The following MYO10 variants were observed in gnomAD, a reference collection of about 807,000 sequenced individuals.
MYO10 encodes the protein myosin X, also known as unconventional myosin-X.
A neutral mutation model predicts 257.3 loss-of-function variants in MYO10; 133 were observed. The observed-to-expected ratio is 0.52, with a 90% CI of 0.45 to 0.60. The LOEUF is 0.60. Ranked by LOEUF, MYO10 falls within the 20% of genes least tolerant of loss-of-function variation. The pLI, the probability that MYO10 is intolerant of heterozygous loss-of-function variation, is 0.00. For synonymous variants in MYO10, 1,104 were observed against 1,028.6 expected (o/e 1.07, Z -1.40); for missense variants, 2,399 against 2,635.7 (o/e 0.91, Z 1.97).
At chr5:16,758,453 A>G (rs2126646714) in intron 17 of MYO10, among the ~76,000 whole-genome samples, 1 of 152,348 alleles carries the variant, frequency 6.6e-6, no homozygotes, top group African/African-American at 2.4e-5. Flanking sequence ...AGAGAAGGGG[A>G]CTGGCATGAC....
At chr5:16,858,328 A>G (rs1744017716) in intron 2 of MYO10, among the ~76,000 whole-genome samples, 1 of 152,136 alleles carries the variant, frequency 6.6e-6, no homozygotes, top group Non-Finnish European at 1.5e-5. Context: ...GCCCCTGTTC[A>G]GTCGCACACT....
intron 1 of MYO10, among the ~76,000 whole-genome samples, chr5:16,882,887 T>C (rs1744793786): frequency 6.6e-6 from 1 of 152,026 alleles, no homozygotes; most frequent in African/African-American, 2.4e-5. Flanking sequence ...TCTATGGAAT[T>C]ATAACTCAAT....
intron 2 of MYO10, among the ~76,000 whole-genome samples, chr5:16,869,725 C>T (rs953529738): frequency 6.6e-6 from 1 of 151,104 alleles, no homozygotes; most frequent in Non-Finnish European, 1.5e-5. Flanking sequence ...ATTAGCCGGG[C>T]GTGCTGACGC....
intron 30 of MYO10, among the ~76,000 whole-genome samples, chr5:16,682,723 AAAAAGAGT>A (rs1337112331): frequency 3.9e-5 from 6 of 152,196 alleles, no homozygotes; most frequent in Non-Finnish European, 1.5e-5. Context: ...AAAATTTAAG[AAAAAGAGT>A]AACTGGACTG....
At chr5:16,760,705 G>A (rs1178136403) in intron 17 of MYO10, among the ~76,000 whole-genome samples, 1 of 152,048 alleles carries the variant, frequency 6.6e-6, no homozygotes, top group South Asian at 2.1e-4. Context: ...GCTTAACCAC[G>A]CAGCTCTAAG....
chr5:16,801,238 C>T (rs907975700), intron 3 of MYO10, among the ~76,000 whole-genome samples: 2 of 152,130 alleles, frequency 1.3e-5, no homozygotes, highest in East Asian at 1.9e-4. Context: ...GACAGAGTCT[C>T]GCTCCGTTGC....
At chr5:16,921,636 GAA>G (rs3061955) in intron 1 of MYO10, among the ~76,000 whole-genome samples, 45,489 of 120,570 alleles carry the variant, frequency 0.38, 7,151 homozygotes, top group East Asian at 0.55. Flanking sequence ...AAAGGAAAAA[GAA>G]AAAAAAAAAA....
intron 19 of MYO10, chr5:16,713,298 C>A (rs747799317): frequency 7.1e-6 from 7 of 985,204 alleles, no homozygotes; most frequent in Non-Finnish European, 8.4e-6. Flanking sequence ...ACCAAAAGGG[C>A]CTCCCCATCC....
At position 16,789,246 on chromosome 5, in the gene MYO10, G is replaced by A. The variant is rs543463408; in HGVS notation, c.467+5400C>T. Among the ~76,000 whole-genome samples, 418 of 152,330 alleles carry A rather than the reference G, an allele frequency of 2.7e-3. 4 individuals carry two copies. Among genetic ancestry groups the A allele is most frequent in the Middle Eastern group, 0.024 (7 of 294 alleles). On this transcript the variant is annotated intron_variant, in intron 4 of 40. Transcript: ENST00000513610. ...GCAGAGTTGATTAGTTGCAACAGAG[G>A]TGCTTTCGCCCACAAAGCCTAAAAT... is the stretch of plus-strand genomic sequence containing the variant.
intron 9 of MYO10, among the ~76,000 whole-genome samples, chr5:16,775,212 T>C (rs1337625629): frequency 6.6e-6 from 1 of 152,194 alleles, no homozygotes; most frequent in Non-Finnish European, 1.5e-5. Context: ...AAGAAATGCC[T>C]ATGAAATTTA....
rs1334046909 is a variant in MYO10, at chr5:16,754,883, G to A, written c.1874C>T (p.Thr625Met). The A allele has an allele frequency of 5.0e-6, 8 of 1,601,528 alleles. No homozygotes were observed. Among genetic ancestry groups the A allele is most frequent in the Admixed American group, 1.7e-5 (1 of 59,362 alleles). Residue 625 changes from threonine (T) to methionine (M), a missense_variant, in exon 19 of 41, where the codon ACG becomes ATG. Physicochemically the swap from Thr to Met is moderately conservative, Grantham distance 81. Transcript: ENST00000513610. ...AAAGAAAGGATTAGAGGAGCTTAGC[G>A]TTGCCATTAAGGAATGCAGTGAGTC... Reference protein sequence around the residue: ...FKDSLHSLMATLSSSNPFFVR... With the variant: ...FKDSLHSLMAMLSSSNPFFVR...
intron 19 of MYO10, among the ~76,000 whole-genome samples, chr5:16,718,046 GCAGC>G (rs1455079443): frequency 1.3e-5 from 2 of 152,014 alleles, no homozygotes; most frequent in Admixed American, 6.5e-5. Context: ...CGCACTCGGA[GCAGC>G]CAGCCAGCCC....
At chr5:16,737,111 A>G (rs946080390) in intron 19 of MYO10, among the ~76,000 whole-genome samples, 2 of 152,190 alleles carry the variant, frequency 1.3e-5, no homozygotes, top group African/African-American at 4.8e-5. Context: ...ATCACTAAAT[A>G]GGGTCTAAAA....
In MYO10 at chr5:16,930,801, C is replaced by T. The variant is rs139006434; in HGVS notation, c.21+4987G>A. Among the ~76,000 whole-genome samples the T allele has an allele frequency of 2.0e-5, 3 of 152,340 alleles. No homozygotes were observed. In the East Asian group the frequency reaches 5.8e-4, roughly 29 times the overall value. On this transcript the variant is annotated intron_variant, in intron 1 of 40. Coordinates refer to ENST00000513610, the MANE Select transcript of MYO10 (RefSeq NM_012334.3). ...TGGCTGAGATCCCATCGGAGGGAGC[C>T]AAGCGCTACTGCTAAGATAGGATGC...
intron 27 of MYO10, among the ~76,000 whole-genome samples, chr5:16,691,636 T>G (rs1009083305): frequency 6.6e-6 from 1 of 151,140 alleles, no homozygotes; most frequent in Non-Finnish European, 1.5e-5. Context: ...GAGGCAGAGG[T>G]TGCAGTGAGC....
At chr5:16,774,130 C>T (rs1026477799) in intron 9 of MYO10, among the ~76,000 whole-genome samples, 5 of 152,102 alleles carry the variant, frequency 3.3e-5, no homozygotes, top group African/African-American at 1.2e-4. Flanking sequence ...CTGAAAAAAC[C>T]ATGGGAAATT....
intron 2 of MYO10, among the ~76,000 whole-genome samples, chr5:16,848,229 G>A (rs1209605072): frequency 1.4e-5 from 2 of 146,766 alleles, no homozygotes; most frequent in East Asian, 4.1e-4. Flanking sequence ...CACAATCTTG[G>A]CTCACTGCAA....
chr5:16,727,034 A>G (rs1561212304), intron 19 of MYO10, among the ~76,000 whole-genome samples: 1 of 152,228 alleles, frequency 6.6e-6, no homozygotes, highest in Non-Finnish European at 1.5e-5. Context: ...GTGCAAATTG[A>G]GTTGTGCTCT....
chr5:16,706,136 T>C (rs61649363), intron 21 of MYO10, among the ~76,000 whole-genome samples: 1 of 152,076 alleles, frequency 6.6e-6, no homozygotes, highest in Admixed American at 6.5e-5. Context: ...TGAGCCAAGA[T>C]CATGCTGCTG....
Sources: gnomAD v4.1 joint callset for allele counts (sites outside exome capture counted in the v4.1 genomes callset) on GRCh38, gnomAD v4.1.1 for gene constraint, MANE v1.5 for transcripts, NCBI Gene and HGNC (gene_info 2026-07-23, HGNC 2026-07-21) for gene names.